The following NCALD variants were observed in gnomAD, a reference collection of about 807,000 sequenced individuals.
NCALD encodes neurocalcin-delta.
NCALD carries 10 observed loss-of-function variants against 18.6 expected under a neutral mutation model. That is an observed-to-expected ratio of 0.54 (90% CI 0.33 to 0.91). The LOEUF is 0.91. Among genes scored for constraint, NCALD ranks in the 40% least tolerant of loss-of-function variants. NCALD has a pLI of 0.03. For synonymous variants in NCALD, 88 were observed against 87.4 expected, an observed-to-expected ratio of 1.01 and a Z score of -0.04; for missense variants, 184 against 247.6, an observed-to-expected ratio of 0.74 and a Z score of 1.72.
intron 1 of NCALD, among the ~76,000 whole-genome samples, chr8:102,020,946 T>C (rs1277772997): frequency 6.6e-6 from 1 of 152,104 alleles, no homozygotes; most frequent in Non-Finnish European, 1.5e-5. Context: ...CTTTCTTCCT[T>C]CCCCACTCAC....
chr8:101,712,772 C>T (rs1395063218), intron 2 of NCALD, among the ~76,000 whole-genome samples: 4 of 152,230 alleles, frequency 2.6e-5, no homozygotes, highest in African/African-American at 9.6e-5. Context: ...CACCCAGATT[C>T]ATAAACCAAG....
intron 4 of NCALD, among the ~76,000 whole-genome samples, chr8:101,824,877 A>C (rs1813868738): frequency 6.6e-6 from 1 of 152,170 alleles, no homozygotes; most frequent in Non-Finnish European, 1.5e-5. Flanking sequence ...GTACAAACTA[A>C]CAACCAACCA....
chr8:101,859,297 A>C (rs1397510292), intron 4 of NCALD, among the ~76,000 whole-genome samples: 4 of 152,206 alleles, frequency 2.6e-5, no homozygotes, highest in African/African-American at 9.7e-5. Flanking sequence ...CTTCAGCCAC[A>C]GACTGACGGT....
At chr8:101,833,610 GTTTTTTTTT>G (rs555031298) in intron 4 of NCALD, among the ~76,000 whole-genome samples, 919 of 88,496 alleles carry the variant, frequency 0.01, 14 homozygotes, top group African/African-American at 0.038. Context: ...TTTGTTTCTT[GTTTTTTTTT>G]TTTTTTTTTT....
chr8:101,798,677 A>C (rs540768323), intron 4 of NCALD, among the ~76,000 whole-genome samples: 1 of 152,372 alleles, frequency 6.6e-6, no homozygotes, highest in East Asian at 1.9e-4. Flanking sequence ...TATTTTGAAA[A>C]AGAAAGGAAA....
intron 4 of NCALD, among the ~76,000 whole-genome samples, chr8:101,830,288 T>C (rs1341224472): frequency 6.6e-6 from 1 of 152,168 alleles, no homozygotes; most frequent in African/African-American, 2.4e-5. Flanking sequence ...GGGCCAGGCA[T>C]GGTGGCTCAT....
chr8:101,928,217 G>T (rs1190560542), intron 2 of NCALD, among the ~76,000 whole-genome samples: 1 of 152,138 alleles, frequency 6.6e-6, no homozygotes, highest in Non-Finnish European at 1.5e-5. Context: ...CTAGGAAAAT[G>T]AAGCTTGAAA....
At chr8:102,086,464 TC>T (rs1824740402) in intron 1 of NCALD, among the ~76,000 whole-genome samples, 1 of 152,148 alleles carries the variant, frequency 6.6e-6, no homozygotes, top group Non-Finnish European at 1.5e-5. Context: ...CATCATTATC[TC>T]CCAAAGTCAA....
intron 2 of NCALD, among the ~76,000 whole-genome samples, chr8:101,941,343 G>C (rs1341052171): frequency 6.6e-6 from 1 of 152,192 alleles, no homozygotes; most frequent in Admixed American, 6.5e-5. Flanking sequence ...TAGAGCTCAC[G>C]CTCCTATGAG....
In NCALD at chr8:101,719,586, T is replaced by TCCTGCATGA; in HGVS notation, c.35_43dup (p.Val12_Gln14dup). The stretch of plus-strand genomic sequence containing the variant: ...TGTAAAGTCTGTGCTTTCCAGCAAG[T>TCCTGCATGA]CCTGCATGACCTCCGGGCGCAGCTT... On this transcript the variant is annotated inframe_insertion, in exon 2 of 4. Transcript: ENST00000220931. 1 of 1,610,108 alleles carries TCCTGCATGA rather than the reference T, an allele frequency of 6.2e-7. No individual in the cohort carries two copies. The highest frequency in any genetic ancestry group is 8.5e-7 in the Non-Finnish European group (1 of 1,178,588).
chr8:101,975,073 A>G (rs555558382), intron 2 of NCALD, among the ~76,000 whole-genome samples: 1 of 152,320 alleles, frequency 6.6e-6, no homozygotes, highest in East Asian at 1.9e-4. Flanking sequence ...GAAATATTAT[A>G]AAGATAAACA....
chr8:101,873,181 G>A (rs1170272020), intron 4 of NCALD, among the ~76,000 whole-genome samples: 2 of 152,200 alleles, frequency 1.3e-5, no homozygotes, highest in Non-Finnish European at 2.9e-5. Flanking sequence ...GGCCTCTTGG[G>A]AAGGCTTAGT....
intron 1 of NCALD, among the ~76,000 whole-genome samples, chr8:101,720,395 T>C (rs1816295863): frequency 6.6e-6 from 1 of 152,184 alleles, no homozygotes; most frequent in African/African-American, 2.4e-5. Flanking sequence ...CAGTAGCACA[T>C]AGTTATAGTA....
At chr8:101,821,845 A>G (rs1037696585) in intron 4 of NCALD, among the ~76,000 whole-genome samples, 1 of 144,812 alleles carries the variant, frequency 6.9e-6, no homozygotes, top group Non-Finnish European at 1.5e-5. Context: ...CATAAATCCT[A>G]TTCTTCCCAT....
At chr8:102,008,629 G>T in intron 2 of NCALD, among the ~76,000 whole-genome samples, 1 of 152,032 alleles carries the variant, frequency 6.6e-6, no homozygotes. Flanking sequence ...GAGGCCAATA[G>T]AAATCTGTAC....
intron 1 of NCALD, among the ~76,000 whole-genome samples, chr8:102,064,675 G>C (rs943233191): frequency 2.6e-5 from 4 of 152,070 alleles, no homozygotes; most frequent in African/African-American, 9.7e-5. Flanking sequence ...GAAAGCTCAG[G>C]GTCAAGTGCA....
At chr8:102,013,104 T>C (rs532339588) in intron 2 of NCALD, among the ~76,000 whole-genome samples, 17 of 152,088 alleles carry the variant, frequency 1.1e-4, no homozygotes, top group Non-Finnish European at 2.4e-4. Flanking sequence ...CAAAAACGTT[T>C]ATCTTCTTGA....
chr8:101,947,854 G>A (rs1207112438), intron 2 of NCALD, among the ~76,000 whole-genome samples: 5 of 152,208 alleles, frequency 3.3e-5, no homozygotes, highest in Non-Finnish European at 7.3e-5. Context: ...GATTAAGACT[G>A]TTCTAGGCAA....
chr8:101,951,862 C>T (rs996959705), intron 2 of NCALD, among the ~76,000 whole-genome samples: 1 of 152,130 alleles, frequency 6.6e-6, no homozygotes, highest in South Asian at 2.1e-4. Flanking sequence ...ACAGGTAGGA[C>T]CAAGTGGCCA....
Sources: gnomAD v4.1 joint callset for allele counts (sites outside exome capture counted in the v4.1 genomes callset) on GRCh38, gnomAD v4.1.1 for gene constraint, MANE v1.5 for transcripts, NCBI Gene and HGNC (gene_info 2026-07-23, HGNC 2026-07-21) for gene names.